Variants in ZDHHC1 observed in about 807,000 individuals in gnomAD.
The protein encoded by ZDHHC1 is palmitoyltransferase ZDHHC1.
ZDHHC1 carries 45 observed loss-of-function variants against 46.9 expected under a neutral mutation model. The observed-to-expected ratio is 0.96, with a 90% confidence interval of 0.76 to 1.23. The LOEUF (loss-of-function observed/expected upper bound fraction) is 1.23, where lower values mean the gene tolerates loss of function less well. Among genes scored for constraint, ZDHHC1 ranks in the 50% most tolerant of loss-of-function variants. The pLI is 0.00. For synonymous variants in ZDHHC1, 291 were observed against 286.0 expected (o/e 1.02, Z -0.18); for missense variants, 649 against 670.8 (o/e 0.97, Z 0.36).
At chr16:67,412,501 G>C (rs2040763536) in intron 1 of ZDHHC1, among the ~76,000 whole-genome samples, 2 of 152,136 alleles carry the variant, frequency 1.3e-5, no homozygotes. Flanking sequence ...TTAGTGAAAT[G>C]TTTTCTCACT....
chr16:67,410,357 C>A (rs1239429446), intron 1 of ZDHHC1, among the ~76,000 whole-genome samples: 1 of 152,208 alleles, frequency 6.6e-6, no homozygotes, highest in Non-Finnish European at 1.5e-5. Context: ...CAGAGGTACA[C>A]AGCCTTGGGA....
At chr16:67,408,619 T>C (rs2040702766) in intron 1 of ZDHHC1, among the ~76,000 whole-genome samples, 1 of 152,086 alleles carries the variant, frequency 6.6e-6, no homozygotes, top group African/African-American at 2.4e-5. Context: ...CCTGAGTAGC[T>C]AGAAATACAG....
intron 1 of ZDHHC1, among the ~76,000 whole-genome samples, chr16:67,409,675 G>A (rs899308343): frequency 5.3e-5 from 8 of 152,200 alleles, no homozygotes; most frequent in South Asian, 4.1e-4. Flanking sequence ...ACCAGACCCC[G>A]GGACTTCTCT....
chr16:67,405,418 G>A (rs1013731810), intron 3 of ZDHHC1, among the ~76,000 whole-genome samples: 7 of 152,156 alleles, frequency 4.6e-5, no homozygotes, highest in South Asian at 2.1e-4. Flanking sequence ...TAGGCTTATC[G>A]CCGCCAACCA....
At chr16:67,414,001 T>C (rs2040793867) in intron 1 of ZDHHC1, among the ~76,000 whole-genome samples, 1 of 151,564 alleles carries the variant, frequency 6.6e-6, no homozygotes, top group Non-Finnish European at 1.5e-5. Flanking sequence ...ACTCCAATTA[T>C]TCCTGAGTTG....
chr16:67,400,976 T>G lies in ZDHHC1; in HGVS notation c.409A>C (p.Asn137His), dbSNP rs117846145. 1.9e-6 allele frequency: 3 copies of G among 1,613,990 alleles called. No homozygotes were observed. The East Asian group carries it at 6.7e-5, about 36-fold the overall frequency. Residue 137 changes from asparagine (N) to histidine (H), a missense_variant, in exon 4 of 12, where the codon AAC becomes CAC. Coordinates refer to ENST00000565726, the MANE Select transcript of ZDHHC1 (RefSeq NM_001323627.2). ...ACTCACACATCCACGTTGCACAAGT[T>G]GCAGTGCAGGTCTTCAATGACATGT... ...HAHVIEDLHC[N>H]LCNVDVSARS...
chr16:67,398,506 C>A, intron 7 of ZDHHC1, 67 bp downstream of exon 7: 1 of 1,544,284 alleles, frequency 6.5e-7, no homozygotes, highest in South Asian at 1.2e-5. Context: ...GTCCACCGTC[C>A]AACTGGGCAC....
At chr16:67,407,929 G>A (rs2040691378) in intron 1 of ZDHHC1, 116 bp from the exon 2 acceptor site, 1 of 647,484 alleles carries the variant, frequency 1.5e-6, no homozygotes, top group Non-Finnish European at 2.9e-6. Flanking sequence ...CTTTCTGCAG[G>A]GTCGTGAACC....
chr16:67,415,998 A>G (rs2040828510), intron 1 of ZDHHC1, among the ~76,000 whole-genome samples, 173 bp downstream of exon 1: 1 of 152,122 alleles, frequency 6.6e-6, no homozygotes, highest in African/African-American at 2.4e-5. Context: ...CGCTCAAGGA[A>G]GATCTGTGAA....
chr16:67,399,050 G>A (rs2040493174), intron 5 of ZDHHC1, 106 bp from the exon 6 acceptor site: 2 of 1,442,366 alleles, frequency 1.4e-6, no homozygotes. Flanking sequence ...AGGGCTGAGG[G>A]TGACCCCACA....
intron 8 of ZDHHC1, 65 bp downstream of exon 8, chr16:67,398,147 G>A: frequency 6.6e-7 from 1 of 1,516,768 alleles, no homozygotes; most frequent in African/African-American, 1.4e-5. Flanking sequence ...CTCCTCACTG[G>A]CTGCTCGCTG....
chr16:67,403,749 G>T (rs2040598865), intron 3 of ZDHHC1, among the ~76,000 whole-genome samples: 1 of 152,086 alleles, frequency 6.6e-6, no homozygotes, highest in Admixed American at 6.5e-5. Context: ...CAAGTAACTG[G>T]GATTGCAGGC....
chr16:67,406,343 G>T lies in ZDHHC1; in HGVS notation c.109C>A (p.Gln37Lys). The T allele has an allele frequency of 6.3e-7, 1 of 1,591,856 alleles. No homozygotes were observed. Among genetic ancestry groups the T allele is most frequent in the Non-Finnish European group, 8.6e-7 (1 of 1,169,370 alleles). ...CTCCACCCATTCCGGCGGGATCGCT[G>T]GCCCTGCAGCTCAGGGGAGGGTCCG... ...PSGPSPELQG[Q>K]RSRRNGWSWP... is the part of the protein sequence containing the mutation. The change falls in exon 3 of 12, where the codon CAG becomes AAG. Residue 37 changes from glutamine (Q) to lysine (K), a missense_variant. Transcript: ENST00000565726. This position sits in a 1 kb window ranked among gnomAD's most constrained non-coding sequence, Gnocchi z 4.1.
rs2040507140 is a variant in ZDHHC1 at position 67,399,554 on chromosome 16, G to A, written c.429-98C>T. The A allele has an allele frequency of 7.0e-6, 7 of 999,648 alleles. No individual in the cohort carries two copies. The Admixed American group carries it at 7.6e-5, about 11-fold the overall frequency. The allele number at this position is 999,648 out of a possible 1,614,324, so 61.9% of individuals were successfully genotyped here. ...TGAGTGGGGTCTGTGGAGGGACCAA[G>A]CGCCAGGCCTGAGACAGCCCCGAGC... On this transcript the variant is annotated intron_variant, in intron 4 of 11. Transcript: ENST00000565726.
At position 67,407,754 on chromosome 16, in the gene ZDHHC1, C is replaced by T; in HGVS notation, c.9+13G>A. The stretch of plus-strand genomic sequence containing the variant: ...TCCCCTATGTCCCTTCCCCCAGGCA[C>T]CCAAAATTGTACCTTGTACATAGTA... On this transcript the variant is annotated intron_variant, in intron 2 of 11. Transcript: ENST00000565726. The T allele has an allele frequency of 3.8e-6, 3 of 780,966 alleles. No individual in the cohort carries two copies. The highest frequency in any genetic ancestry group is 1.3e-5 in the South Asian group (1 of 74,618). The allele number at this position is 780,966 out of a possible 1,614,324, so 48.4% of individuals were successfully genotyped here. A position where few individuals can be genotyped will look rare whatever the true frequency, so the allele number is the denominator to read the frequency against.
Position 67,406,213 on chromosome 16 carries a change from G to A in ZDHHC1, c.239C>T (p.Pro80Leu), listed in dbSNP as rs1221660411. 6 of 1,613,828 alleles carry A rather than the reference G, an allele frequency of 3.7e-6. No individual in the cohort carries two copies. The East Asian group carries it at 1.3e-4, about 36-fold the overall frequency. ...TCCCAAGGATACAGCGTAGCCAGCG[G>A]GCACCCAGTGGTGAGGCAGGAGGGG... ...LVPLLPHHWV[P>L]AGYACMGAIF... is the part of the protein sequence containing the mutation. The change falls in exon 3 of 12, where the codon CCC becomes CTC. Residue 80 changes from proline (P) to leucine (L), a missense_variant. By Grantham distance (98) the Pro-to-Leu change is moderately conservative. Coordinates refer to ENST00000565726, the MANE Select transcript of ZDHHC1 (RefSeq NM_001323627.2). The surrounding 1 kb of genome is among the most constrained non-coding windows in gnomAD (Gnocchi z 4.1).
rs1048010324 is a variant in ZDHHC1 at position 67,394,649 on chromosome 16, C to T, written c.1410G>A (p.Glu470=). The T allele has an allele frequency of 7.4e-6, 9 of 1,219,504 alleles. No individual in the cohort carries two copies. The African/African-American group carries it at 1.4e-4, about 19-fold the overall frequency. 75.5% of individuals were successfully genotyped at this position (1,219,504 alleles called of 1,614,324 possible). ...CCTCCCGGCCGCCCGGCGCCCTGGGCTCGCCGCTGCTCGGGCTCACGAAAA... is the reference window on the plus strand; with the variant it reads ...CCTCCCGGCCGCCCGGCGCCCTGGGTTCGCCGCTGCTCGGGCTCACGAAAA... The part of the protein sequence containing the change: ...PAVFVSPSSG[E]PRAPGGREAG... Residue 470 remains glutamate, a synonymous_variant, in exon 12 of 12, where the codon GAG becomes GAA. Transcript: ENST00000565726.
At chr16:67,403,129 C>T (rs1399709535) in intron 3 of ZDHHC1, among the ~76,000 whole-genome samples, 1 of 152,132 alleles carries the variant, frequency 6.6e-6, no homozygotes, top group Non-Finnish European at 1.5e-5. Flanking sequence ...TGGCTAGGGA[C>T]TGTGGCTGTG....
At chr16:67,414,222 A>AC (rs2040797292) in intron 1 of ZDHHC1, among the ~76,000 whole-genome samples, 1 of 152,230 alleles carries the variant, frequency 6.6e-6, no homozygotes, top group Non-Finnish European at 1.5e-5. Context: ...CACCCACCAC[A>AC]CAAGAGTCAT....
Sources: gnomAD v4.1 joint callset for allele counts (sites outside exome capture counted in the v4.1 genomes callset) on GRCh38, gnomAD v4.1.1 for gene constraint, Gnocchi (gnomAD v3.1) non-coding constraint, MANE v1.5 for transcripts, NCBI Gene and HGNC (gene_info 2026-07-23, HGNC 2026-07-21) for gene names.